The following SRBD1 variants were observed in gnomAD, a reference collection of about 807,000 sequenced individuals.
SRBD1 encodes the protein S1 RNA-binding domain-containing protein 1.
In SRBD1, 88 loss-of-function variants were observed where a neutral mutation model predicts 115.3. That is an observed-to-expected ratio of 0.76 (90% CI 0.64 to 0.91). The LOEUF is 0.91. SRBD1 is among the 40% of genes least tolerant of loss of function. The pLI is 0.00. For synonymous variants in SRBD1, 509 were observed against 407.7 expected, an observed-to-expected ratio of 1.25 and a Z score of -2.99; for missense variants, 1,385 against 1,177.4, an observed-to-expected ratio of 1.18 and a Z score of -2.58.
intron 14 of SRBD1, among the ~76,000 whole-genome samples, chr2:45,494,432 T>C (rs1198799281): frequency 6.6e-6 from 1 of 152,150 alleles, no homozygotes; most frequent in Non-Finnish European, 1.5e-5. Context: ...AACTTAAATC[T>C]TGGTAAATAC....
intron 1 of SRBD1, among the ~76,000 whole-genome samples, chr2:45,608,581 G>C (rs78332420): frequency 0.082 from 12,513 of 151,990 alleles, 619 homozygotes; most frequent in East Asian, 0.17. Flanking sequence ...TTTACATACC[G>C]ATGTCACCTA....
rs531820048 is a variant in SRBD1, at chr2:45,608,567, C to G, written c.-1+2652G>C. Reference sequence around the variant, plus strand: ...TTAACCAAAACCTCATCCATCTCCACGGTTTTACATACCGATGTCACCTAC... The same window carrying G: ...TTAACCAAAACCTCATCCATCTCCAGGGTTTTACATACCGATGTCACCTAC... On this transcript the variant is annotated intron_variant, in intron 1 of 20. Coordinates refer to ENST00000263736, the MANE Select transcript of SRBD1 (RefSeq NM_018079.5). Among the ~76,000 whole-genome samples, 6 of 152,284 alleles carry G rather than the reference C, an allele frequency of 3.9e-5. No homozygotes were observed. The East Asian group carries it at 1.2e-3, about 29-fold the overall frequency.
intron 14 of SRBD1, among the ~76,000 whole-genome samples, chr2:45,514,280 A>G (rs986177147): frequency 1.3e-5 from 2 of 152,164 alleles, no homozygotes; most frequent in Non-Finnish European, 2.9e-5. Context: ...TCATGAAATC[A>G]CATTCAACGA....
rs528055875 is a variant in SRBD1, at chr2:45,526,110, T to G, written c.1874+20622A>C. 1.7e-4 allele frequency among the ~76,000 whole-genome samples: 26 copies of G among 152,084 alleles called. No homozygotes were observed. The South Asian group carries it at 5.2e-3, about 30-fold the overall frequency. Reference sequence around the variant, plus strand: ...ATACTTCTACTTTTAGGTGTATACCTAAGAGAAATGAGCCCATATGTCCAC... The same window carrying G: ...ATACTTCTACTTTTAGGTGTATACCGAAGAGAAATGAGCCCATATGTCCAC... On this transcript the variant is annotated intron_variant, in intron 14 of 20. Coordinates refer to ENST00000263736, the MANE Select transcript of SRBD1 (RefSeq NM_018079.5).
At chr2:45,504,674 T>C (rs1174087439) in intron 14 of SRBD1, among the ~76,000 whole-genome samples, 2 of 152,188 alleles carry the variant, frequency 1.3e-5, no homozygotes, top group Non-Finnish European at 2.9e-5. Flanking sequence ...TTATCACTTA[T>C]CAAGTAAACA....
At chr2:45,492,051 C>T (rs1018465661) in intron 14 of SRBD1, among the ~76,000 whole-genome samples, 1 of 152,178 alleles carries the variant, frequency 6.6e-6, no homozygotes, top group Non-Finnish European at 1.5e-5. Context: ...GAACTCCCAA[C>T]CTCGGGTGAT....
At position 45,434,189 on chromosome 2, in the gene SRBD1, T is replaced by C. The variant is rs1272325883; in HGVS notation, c.2050-14295A>G. Among the ~76,000 whole-genome samples, 11 of 152,344 alleles carry C rather than the reference T, an allele frequency of 7.2e-5. No individual in the cohort carries two copies. In the South Asian group the frequency reaches 1.9e-3, roughly 26 times the overall value. Reference sequence around the variant, plus strand: ...CTTGACAGAAGGATCCTTGGGACAATGATTGTCTTATTTGTTCTGCACAAG... The same window carrying C: ...CTTGACAGAAGGATCCTTGGGACAACGATTGTCTTATTTGTTCTGCACAAG... On this transcript the variant is annotated intron_variant, in intron 16 of 20. Transcript: ENST00000263736.
At chr2:45,538,314 T>A (rs1413224509) in intron 14 of SRBD1, among the ~76,000 whole-genome samples, 1 of 152,176 alleles carries the variant, frequency 6.6e-6, no homozygotes, top group Non-Finnish European at 1.5e-5. Context: ...AAGACCATGC[T>A]CTTTTTTCCC....
chr2:45,571,530 A>C (rs1043360698), intron 9 of SRBD1, among the ~76,000 whole-genome samples: 3 of 148,288 alleles, frequency 2.0e-5, no homozygotes, highest in African/African-American at 7.5e-5. Context: ...AAAAAAAAAA[A>C]AAAAAAAAAA....
At chr2:45,510,459 C>A (rs114223497) in intron 14 of SRBD1, among the ~76,000 whole-genome samples, 1 of 152,162 alleles carries the variant, frequency 6.6e-6, no homozygotes, top group Non-Finnish European at 1.5e-5. Context: ...TACTGCATTA[C>A]CCTCTAAAAT....
At chr2:45,600,655 A>T (rs1316291605) in intron 3 of SRBD1, among the ~76,000 whole-genome samples, 1 of 152,156 alleles carries the variant, frequency 6.6e-6, no homozygotes, top group Non-Finnish European at 1.5e-5. Context: ...CTGCACTGCC[A>T]CTGCCCCCCA....
At chr2:45,454,676 T>C (rs1246059395) in intron 16 of SRBD1, among the ~76,000 whole-genome samples, 1 of 151,854 alleles carries the variant, frequency 6.6e-6, no homozygotes, top group African/African-American at 2.4e-5. Flanking sequence ...ACTCAAGCGA[T>C]AGTCTGCTCT....
intron 16 of SRBD1, among the ~76,000 whole-genome samples, chr2:45,440,246 T>G (rs1367155544): frequency 6.6e-6 from 1 of 151,824 alleles, no homozygotes; most frequent in East Asian, 1.9e-4. Context: ...AAAAAATGAG[T>G]CTTTTTGTAT....
intron 14 of SRBD1, among the ~76,000 whole-genome samples, chr2:45,496,136 A>T (rs886104350): frequency 2.0e-5 from 3 of 152,200 alleles, no homozygotes; most frequent in African/African-American, 7.2e-5. Context: ...AAAAGTTTGC[A>T]TCATTTTGCA....
At chr2:45,488,372 C>A in intron 14 of SRBD1, 41 bp from the exon 15 acceptor site, 1 of 1,560,848 alleles carries the variant, frequency 6.4e-7, no homozygotes, top group Non-Finnish European at 8.8e-7. Flanking sequence ...TTCCTAACTT[C>A]CTGCCTGGTC....
At chr2:45,448,332 T>C (rs1386434881) in intron 16 of SRBD1, among the ~76,000 whole-genome samples, 1 of 152,166 alleles carries the variant, frequency 6.6e-6, no homozygotes, top group Non-Finnish European at 1.5e-5. Flanking sequence ...TATTTTATTA[T>C]AAACTGGGTA....
chr2:45,474,685 C>T (rs1669753004), intron 16 of SRBD1, among the ~76,000 whole-genome samples: 1 of 152,150 alleles, frequency 6.6e-6, no homozygotes, highest in Non-Finnish European at 1.5e-5. Context: ...CATAATGATA[C>T]ACAATGATCT....
At chr2:45,547,463 A>T in intron 13 of SRBD1, 59 bp downstream of exon 13, 1 of 1,467,494 alleles carries the variant, frequency 6.8e-7, no homozygotes, top group South Asian at 1.2e-5. Flanking sequence ...TAGGGGCTTC[A>T]AAGGTATCTC....
chr2:45,550,775 T>C (rs1672270888), intron 12 of SRBD1, among the ~76,000 whole-genome samples: 1 of 152,166 alleles, frequency 6.6e-6, no homozygotes, highest in Non-Finnish European at 1.5e-5. Context: ...AATAAAAATG[T>C]CTTTTGGTAT....
Sources: gnomAD v4.1 joint callset for allele counts (sites outside exome capture counted in the v4.1 genomes callset) on GRCh38, gnomAD v4.1.1 for gene constraint, MANE v1.5 for transcripts, NCBI Gene and HGNC (gene_info 2026-07-23, HGNC 2026-07-21) for gene names.